GRM8: variants seen among roughly 807,000 people sequenced by gnomAD.
GRM8 encodes glutamate metabotropic receptor 8.
A neutral mutation model predicts 87.2 loss-of-function variants in GRM8; 47 were observed. That is an observed-to-expected ratio of 0.54 (90% confidence interval 0.43 to 0.69). The LOEUF is 0.69. Among genes scored for constraint, GRM8 ranks in the 30% least tolerant of loss-of-function variants. The pLI is 0.00. For missense variants in GRM8, 1,019 were observed against 1,139.2 expected, an observed-to-expected ratio of 0.89 and a Z score of 1.52; for synonymous variants, 396 against 404.5, an observed-to-expected ratio of 0.98 and a Z score of 0.25.
At chr7:127,160,913 G>A (rs1047307654) in intron 2 of GRM8, among the ~76,000 whole-genome samples, 2 of 151,830 alleles carry the variant, frequency 1.3e-5, no homozygotes, top group Admixed American at 1.3e-4. Context: ...ACAGAAAAGT[G>A]GATCAAACAC....
intron 8 of GRM8, among the ~76,000 whole-genome samples, chr7:126,606,780 T>C (rs1450174692): frequency 1.3e-5 from 2 of 152,256 alleles, no homozygotes; most frequent in East Asian, 1.9e-4. Context: ...ATACATTTTA[T>C]GAACGATAAT....
chr7:127,140,847 G>T (rs1034040424), intron 2 of GRM8, among the ~76,000 whole-genome samples: 1 of 151,852 alleles, frequency 6.6e-6, no homozygotes, highest in African/African-American at 2.4e-5. Context: ...TTGAGCTGCA[G>T]ACAAAGTCTC....
rs550647108 is a variant in GRM8 at position 126,886,622 on chromosome 7, A to G, written c.1156+15920T>C. Among the ~76,000 whole-genome samples, 219 of 152,284 alleles carry G rather than the reference A, an allele frequency of 1.4e-3. 1 individual carries two copies. The highest frequency in any genetic ancestry group is 5.2e-3 in the African/African-American group (215 of 41,572). On this transcript the variant is annotated intron_variant, in intron 6 of 10. Transcript: ENST00000339582. Reference sequence around the variant, plus strand: ...TACATAAATCCATTAATGCCTACAGATTAATAACATGGTCATATAAATGAA... The same window carrying G: ...TACATAAATCCATTAATGCCTACAGGTTAATAACATGGTCATATAAATGAA...
intron 3 of GRM8, among the ~76,000 whole-genome samples, chr7:127,099,801 C>T (rs922328121): frequency 1.3e-5 from 2 of 152,078 alleles, no homozygotes; most frequent in Non-Finnish European, 2.9e-5. Flanking sequence ...AATTATCTCC[C>T]AAGAAAAATA....
chr7:126,468,011 A>T (rs900583115), intron 9 of GRM8, among the ~76,000 whole-genome samples: 5 of 152,182 alleles, frequency 3.3e-5, no homozygotes, highest in Admixed American at 1.3e-4. Flanking sequence ...CCTCATCTAT[A>T]AACCTTTTAT....
At chr7:126,973,120 T>C (rs959975911) in intron 3 of GRM8, among the ~76,000 whole-genome samples, 1 of 152,176 alleles carries the variant, frequency 6.6e-6, no homozygotes, top group African/African-American at 2.4e-5. Context: ...TCTAATAGTT[T>C]AGGATGCACC....
chr7:127,055,327 T>G (rs894966099), intron 3 of GRM8, among the ~76,000 whole-genome samples: 1 of 152,064 alleles, frequency 6.6e-6, no homozygotes, highest in Non-Finnish European at 1.5e-5. Flanking sequence ...TCCAAAGAGG[T>G]CAAATGAGAA....
rs191546911 is a variant in GRM8, at chr7:126,758,425, C to T, written c.1357+11440G>A. ...ATTAGTAGAAGAGCTAGGATATGAG[C>T]TCATGTCTGTCTCTGAAAAGTTCAC... On this transcript the variant is annotated intron_variant, in intron 7 of 10. Coordinates refer to ENST00000339582, the MANE Select transcript of GRM8 (RefSeq NM_000845.3). 5.3e-4 allele frequency among the ~76,000 whole-genome samples: 81 copies of T among 152,186 alleles called. 2 individuals carry two copies. In the East Asian group the frequency reaches 0.012, roughly 23 times the overall value.
chr7:127,205,701 C>T (rs549719796), intron 2 of GRM8, among the ~76,000 whole-genome samples: 5 of 152,128 alleles, frequency 3.3e-5, no homozygotes, highest in Admixed American at 1.3e-4. Context: ...GAGGCTCCCC[C>T]ACCTGCTAAT....
At chr7:126,860,940 T>A (rs952974102) in intron 6 of GRM8, among the ~76,000 whole-genome samples, 3 of 152,154 alleles carry the variant, frequency 2.0e-5, no homozygotes, top group Non-Finnish European at 4.4e-5. Flanking sequence ...TAATGAAGAA[T>A]CCATTTCGTA....
intron 3 of GRM8, among the ~76,000 whole-genome samples, chr7:127,092,504 T>C (rs1170680406): frequency 6.6e-6 from 1 of 152,178 alleles, no homozygotes; most frequent in Admixed American, 6.5e-5. Context: ...GAGATGAGCC[T>C]GGGTAACGTG....
At chr7:126,911,391 T>C (rs1260922957) in intron 3 of GRM8, among the ~76,000 whole-genome samples, 2 of 152,156 alleles carry the variant, frequency 1.3e-5, no homozygotes, top group Non-Finnish European at 2.9e-5. Flanking sequence ...CCATAAGTAG[T>C]AAAGATTTGG....
chr7:126,504,965 G>A (rs1352719861), intron 9 of GRM8, among the ~76,000 whole-genome samples: 1 of 152,048 alleles, frequency 6.6e-6, no homozygotes, highest in Non-Finnish European at 1.5e-5. Context: ...ACTGGTAGTG[G>A]AGCCAAGTTA....
intron 7 of GRM8, among the ~76,000 whole-genome samples, chr7:126,654,975 C>T (rs1244904216): frequency 2.0e-5 from 3 of 152,076 alleles, no homozygotes; most frequent in Non-Finnish European, 4.4e-5. Flanking sequence ...TGCAAATAAT[C>T]ATTGACTGGA....
chr7:126,500,285 C>A (rs1809448201), intron 9 of GRM8, among the ~76,000 whole-genome samples: 1 of 151,914 alleles, frequency 6.6e-6, no homozygotes. Context: ...TATATAAATT[C>A]CACTTTTGTA....
intron 2 of GRM8, among the ~76,000 whole-genome samples, chr7:127,230,439 C>T (rs1797613170): frequency 1.3e-5 from 2 of 152,124 alleles, no homozygotes; most frequent in Non-Finnish European, 1.5e-5. Context: ...TCTTGGAAGA[C>T]TCTTCCTCCT....
intron 3 of GRM8, among the ~76,000 whole-genome samples, chr7:126,950,501 C>T (rs1277418268): frequency 6.6e-6 from 1 of 152,080 alleles, no homozygotes; most frequent in East Asian, 1.9e-4. Context: ...ATTTCTCTCT[C>T]TCTCTCAGTA....
At chr7:126,745,742 A>G (rs1815590995) in intron 7 of GRM8, among the ~76,000 whole-genome samples, 1 of 151,470 alleles carries the variant, frequency 6.6e-6, no homozygotes, top group Non-Finnish European at 1.5e-5. Flanking sequence ...TATTCTCCCT[A>G]AGTCATGCTT....
At chr7:126,828,998 G>A (rs1310313212) in intron 6 of GRM8, among the ~76,000 whole-genome samples, 1 of 152,160 alleles carries the variant, frequency 6.6e-6, no homozygotes, top group East Asian at 1.9e-4. Context: ...CAGTTTCCAT[G>A]TAGTTGAGAG....
Sources: gnomAD v4.1 joint callset for allele counts (sites outside exome capture counted in the v4.1 genomes callset) on GRCh38, gnomAD v4.1.1 for gene constraint, MANE v1.5 for transcripts, NCBI Gene and HGNC (gene_info 2026-07-23, HGNC 2026-07-21) for gene names.